The following ZFHX3 variants were observed in gnomAD, a reference collection of about 807,000 sequenced individuals.
The protein encoded by ZFHX3 is zinc finger homeobox protein 3.
A neutral mutation model predicts 279.1 loss-of-function variants in ZFHX3; 42 were observed. That is an observed-to-expected ratio of 0.15 (90% CI 0.12 to 0.19). The LOEUF (loss-of-function observed/expected upper bound fraction) is 0.19. ZFHX3 is among the 10% of genes least tolerant of loss of function. The pLI, the probability that ZFHX3 is intolerant of heterozygous loss-of-function variation, is 1.00. For synonymous variants in ZFHX3, 2,293 were observed against 1,957.8 expected (o/e 1.17, Z -4.52); for missense variants, 4,981 against 4,754.0 (o/e 1.05, Z -1.40).
At chr16:73,794,405 T>C (rs1467859287) in intron 1 of ZFHX3, 1 of 152,234 alleles carries the variant, frequency 6.6e-6, no homozygotes, top group Non-Finnish European at 1.5e-5. Flanking sequence ...CTGCGGCATA[T>C]ACTAGCCTAG....
rs575891517 is a variant in ZFHX3 at position 73,116,488 on chromosome 16, C to G, written c.-897+14480G>C. On this transcript the variant is annotated intron_variant, in intron 7 of 17. Transcript: ENST00000641206. ...AGGCCAGAAGTGGCTGGGGAGGGTG[C>G]CAGACTCCAGGCTGGGAAGCTGGAG... Among the ~76,000 whole-genome samples, 180 of 152,262 alleles carry G rather than the reference C, an allele frequency of 1.2e-3. 1 individual carries two copies. The highest frequency in any genetic ancestry group is 3.4e-3 in the Middle Eastern group (1 of 294).
intron 2 of ZFHX3, among the ~76,000 whole-genome samples, chr16:73,494,316 C>T (rs947166341): frequency 6.6e-6 from 1 of 152,146 alleles, no homozygotes; most frequent in African/African-American, 2.4e-5. Flanking sequence ...AGCATTCTCT[C>T]TGCTAATGAA....
chr16:73,718,702 A>G (rs1228322190), intron 1 of ZFHX3, among the ~76,000 whole-genome samples: 1 of 150,216 alleles, frequency 6.7e-6, no homozygotes. Flanking sequence ...TGCAACCTCC[A>G]CCTCCTGGGT....
chr16:73,633,425 A>G (rs889869261), intron 2 of ZFHX3, among the ~76,000 whole-genome samples: 1 of 152,188 alleles, frequency 6.6e-6, no homozygotes, highest in African/African-American at 2.4e-5. Context: ...TAGTTCAGTA[A>G]AAGTACAGAG....
At chr16:73,297,705 A>G (rs2014950348) in intron 4 of ZFHX3, among the ~76,000 whole-genome samples, 1 of 152,004 alleles carries the variant, frequency 6.6e-6, no homozygotes, top group South Asian at 2.1e-4. Flanking sequence ...CTTTGGAGAT[A>G]GGGAGACCAG....
intron 3 of ZFHX3, among the ~76,000 whole-genome samples, chr16:72,939,520 C>A (rs535065805): frequency 1.4e-3 from 216 of 152,340 alleles, no homozygotes; most frequent in African/African-American, 5.0e-3. Flanking sequence ...GTGACACAGA[C>A]TCGCTCCCAA....
At chr16:73,110,212 AAAG>A (rs1225952545) in intron 7 of ZFHX3, among the ~76,000 whole-genome samples, 6 of 152,198 alleles carry the variant, frequency 3.9e-5, no homozygotes, top group African/African-American at 1.2e-4. Flanking sequence ...AAAAAAAAAA[AAAG>A]AAGAGTTTCA....
At chr16:73,664,047 C>G (rs534061490) in intron 2 of ZFHX3, among the ~76,000 whole-genome samples, 1 of 152,092 alleles carries the variant, frequency 6.6e-6, no homozygotes, top group Non-Finnish European at 1.5e-5. Flanking sequence ...TCAAAGAGAA[C>G]TGAATATAAA....
chr16:73,627,605 A>G (rs1257088078), intron 2 of ZFHX3, among the ~76,000 whole-genome samples: 1 of 152,180 alleles, frequency 6.6e-6, no homozygotes, highest in African/African-American at 2.4e-5. Context: ...ACAAGGGGAA[A>G]GTCTTGACGT....
chr16:73,433,057 T>C (rs777549256), intron 3 of ZFHX3, among the ~76,000 whole-genome samples: 3 of 152,198 alleles, frequency 2.0e-5, no homozygotes, highest in Admixed American at 6.5e-5. Context: ...CTAAGAGCCC[T>C]GCTGTGTCCC....
At chr16:73,514,288 G>A (rs970304542) in intron 2 of ZFHX3, among the ~76,000 whole-genome samples, 59 of 152,172 alleles carry the variant, frequency 3.9e-4, no homozygotes, top group African/African-American at 1.4e-3. Flanking sequence ...GGAGCTACAA[G>A]AGCCACAGTG....
At chr16:73,804,603 A>G (rs1421766515) in intron 1 of ZFHX3, among the ~76,000 whole-genome samples, 1 of 152,148 alleles carries the variant, frequency 6.6e-6, no homozygotes, top group Non-Finnish European at 1.5e-5. Flanking sequence ...CATTTGATAT[A>G]ATTTACAACC....
At chr16:73,211,047 G>A (rs1197702203) in intron 5 of ZFHX3, among the ~76,000 whole-genome samples, 1 of 152,156 alleles carries the variant, frequency 6.6e-6, no homozygotes, top group Non-Finnish European at 1.5e-5. Context: ...TATAGAAATA[G>A]AGGATGAGGC....
At chr16:72,928,465 C>T (rs917158210) in intron 3 of ZFHX3, among the ~76,000 whole-genome samples, 4 of 152,022 alleles carry the variant, frequency 2.6e-5, no homozygotes, top group Admixed American at 6.6e-5. Flanking sequence ...GGTTTCCTGG[C>T]TGTTCTCTGG....
At chr16:72,856,846 G>T (rs912698912) in intron 4 of ZFHX3, among the ~76,000 whole-genome samples, 9 of 152,182 alleles carry the variant, frequency 5.9e-5, no homozygotes, top group African/African-American at 2.2e-4. Flanking sequence ...TGTGTCAAGT[G>T]AGTGGGGCCT....
chr16:73,184,390 G>C (rs1002120048), intron 5 of ZFHX3, among the ~76,000 whole-genome samples: 2 of 152,258 alleles, frequency 1.3e-5, no homozygotes, highest in African/African-American at 4.8e-5. Flanking sequence ...GGCAGTGGAA[G>C]TGGAAATGCC....
chr16:73,848,085 A>C (rs1195314412), intron 1 of ZFHX3, among the ~76,000 whole-genome samples: 1 of 151,922 alleles, frequency 6.6e-6, no homozygotes, highest in Non-Finnish European at 1.5e-5. Flanking sequence ...AGTATTAATA[A>C]GGCCCACCGG....
chr16:73,082,165 A>G (rs1390142844), intron 8 of ZFHX3, among the ~76,000 whole-genome samples: 1 of 152,016 alleles, frequency 6.6e-6, no homozygotes, highest in Non-Finnish European at 1.5e-5. Context: ...CAACTACGAG[A>G]TAAGGAGCTC....
chr16:73,592,903 G>A (rs1258543902), intron 2 of ZFHX3, among the ~76,000 whole-genome samples: 1 of 151,420 alleles, frequency 6.6e-6, no homozygotes, highest in African/African-American at 2.4e-5. Flanking sequence ...AGAAAACAAT[G>A]GAAAAGGATA....
Sources: gnomAD v4.1 joint callset for allele counts (sites outside exome capture counted in the v4.1 genomes callset) on GRCh38, gnomAD v4.1.1 for gene constraint, MANE v1.5 for transcripts, NCBI Gene and HGNC (gene_info 2026-07-23, HGNC 2026-07-21) for gene names.